The following AMPD3 variants were observed in gnomAD, a reference collection of about 807,000 sequenced individuals.
AMPD3 encodes AMP deaminase 3.
In AMPD3, 57 loss-of-function variants were observed where a neutral mutation model predicts 82.3. That is an observed-to-expected ratio of 0.69 (90% CI 0.56 to 0.86). AMPD3 has a LOEUF of 0.86. Among genes scored for constraint, AMPD3 ranks in the 40% least tolerant of loss-of-function variants. The probability of loss-of-function intolerance (pLI) is 0.00; values close to 1 mark genes in which losing one functional copy is unlikely to be tolerated. For missense variants in AMPD3, 870 were observed against 1,003.8 expected, an observed-to-expected ratio of 0.87 and a Z score of 1.80; for synonymous variants, 381 against 394.7, an observed-to-expected ratio of 0.97 and a Z score of 0.41.
At chr11:10,462,741 AAG>A (rs1232537270) in intron 2 of AMPD3, among the ~76,000 whole-genome samples, 1 of 152,168 alleles carries the variant, frequency 6.6e-6, no homozygotes, top group African/African-American at 2.4e-5. Context: ...AAGGCCGGGA[AAG>A]AGAGAGAAAA....
In AMPD3 at chr11:10,480,486, C is replaced by G. The variant is rs896855320; in HGVS notation, c.427-1577C>G. 4.3e-5 allele frequency among the ~76,000 whole-genome samples: 6 copies of G among 138,494 alleles called. No individual in the cohort carries two copies. In the South Asian group the frequency reaches 6.4e-4, roughly 15 times the overall value. 90.9% of individuals were successfully genotyped at this position (138,494 alleles called of 152,430 possible). On this transcript the variant is annotated intron_variant, in intron 3 of 14. Coordinates refer to ENST00000396553, the MANE Select transcript of AMPD3 (RefSeq NM_001025389.2). ...TTGGAGGCAGGAAAGGAGAATCTACCATCGTAACAAAAAGTCTTGCTTTTT... is the reference window on the plus strand; with the variant it reads ...TTGGAGGCAGGAAAGGAGAATCTACGATCGTAACAAAAAGTCTTGCTTTTT...
rs61540424 is a variant in AMPD3 at position 10,465,819 on chromosome 11, G to GTTT, written c.221+4098_221+4100dup. ...GGCAGACACTGAACTAGCTGCAGGA[G>GTTT]TTTTTTTTTTTTTTTTTTTTTCTGT... On this transcript the variant is annotated intron_variant, in intron 2 of 14. Coordinates refer to ENST00000396553, the MANE Select transcript of AMPD3 (RefSeq NM_001025389.2). 1.1e-4 allele frequency among the ~76,000 whole-genome samples: 15 copies of GTTT among 132,112 alleles called. No homozygotes were observed. The East Asian group carries it at 1.3e-3, about 11-fold the overall frequency. The allele number at this position is 132,112 out of a possible 152,430, so 86.7% of individuals were successfully genotyped here. A position where few individuals can be genotyped will look rare whatever the true frequency, so the allele number is the denominator to read the frequency against.
chr11:10,478,579 C>T lies in AMPD3; in HGVS notation c.275C>T (p.Pro92Leu). ...CAGTCCCTGTCTCTGCAAATGCCGCCACAGCAAGATTGGAAGGGCCCCCCG... is the reference window on the plus strand; with the variant it reads ...CAGTCCCTGTCTCTGCAAATGCCGCTACAGCAAGATTGGAAGGGCCCCCCG... ...RSQSLSLQMPPQQDWKGPPAA... is the reference protein window; with the variant it reads ...RSQSLSLQMPLQQDWKGPPAA... The change falls in exon 3 of 15, where the codon CCA (proline) becomes CTA (leucine). Residue 92 changes from proline (P) to leucine (L), a missense_variant. By Grantham distance (98) the Pro-to-Leu change is moderately conservative. Coordinates refer to ENST00000396553, the MANE Select transcript of AMPD3 (RefSeq NM_001025389.2). The T allele has an allele frequency of 6.2e-7, 1 of 1,614,162 alleles. No individual in the cohort carries two copies. Among genetic ancestry groups the T allele is most frequent in the Non-Finnish European group, 8.5e-7 (1 of 1,180,034 alleles).
intron 7 of AMPD3, 48 bp from the exon 8 acceptor site, chr11:10,494,851 A>G (rs1564853810): frequency 1.3e-6 from 2 of 1,594,610 alleles, no homozygotes; most frequent in East Asian, 2.2e-5. Context: ...GGGAACGTGC[A>G]TGGTGGCTGC....
chr11:10,499,037 C>A (rs957098966), intron 10 of AMPD3, among the ~76,000 whole-genome samples: 6 of 152,094 alleles, frequency 3.9e-5, no homozygotes, highest in Admixed American at 1.3e-4. Flanking sequence ...AGGGCAGCTC[C>A]CAGTGGGGAT....
rs150672366 is a variant in AMPD3 at position 10,461,696 on chromosome 11, G to T, written c.177G>T (p.Leu59=). 6.3e-5 allele frequency: 101 copies of T among 1,614,144 alleles called. 1 individual carries two copies. In the African/African-American group the frequency reaches 1.2e-3, roughly 20 times the overall value. ...IGQKEAKERE[L]QKELAEQKSV... Reference sequence around the variant, plus strand: ...AAAAGGAAGCCAAGGAGAGGGAGCTGCAGAAGGAGCTGGCAGAGCAGAAGT... The same window carrying T: ...AAAAGGAAGCCAAGGAGAGGGAGCTTCAGAAGGAGCTGGCAGAGCAGAAGT... The change falls in exon 2 of 15, where the codon CTG becomes CTT. Residue 59 remains leucine (L), a synonymous_variant. Coordinates refer to ENST00000396553, the MANE Select transcript of AMPD3 (RefSeq NM_001025389.2).
intron 1 of AMPD3, among the ~76,000 whole-genome samples, chr11:10,460,391 A>T (rs908359134): frequency 7.1e-6 from 1 of 140,722 alleles, no homozygotes; most frequent in Admixed American, 7.2e-5. Flanking sequence ...GAGCCACCAC[A>T]CCCGGCCCCA....
In AMPD3 at chr11:10,506,221, G is replaced by C. The variant is rs542358169; in HGVS notation, c.*337G>C. 187 of 345,630 alleles carry C rather than the reference G, an allele frequency of 5.4e-4. No individual in the cohort carries two copies. Among genetic ancestry groups the C allele is most frequent in the African/African-American group, 3.9e-3 (184 of 47,354 alleles). 21.4% of individuals were successfully genotyped at this position (345,630 alleles called of 1,614,324 possible). ...CTGGTCAGATGCCAAGTAACATGTG[G>C]TTTTCTGCCATACTTTTCTCCATTG... On this transcript the variant is annotated 3_prime_UTR_variant, in exon 15 of 15. Transcript: ENST00000396553. The surrounding 1 kb of genome is among the most constrained non-coding windows in gnomAD (Gnocchi z 4.1).
At chr11:10,476,920 A>G in intron 2 of AMPD3, 1 of 935,368 alleles carries the variant, frequency 1.1e-6, no homozygotes, top group Non-Finnish European at 1.2e-6. Flanking sequence ...CCAGTGCATC[A>G]CTTAGCAGGA....
upstream of AMPD3, among the ~76,000 whole-genome samples, chr11:10,451,646 C>CT (rs1564835163): frequency 1.3e-5 from 2 of 152,262 alleles, no homozygotes; most frequent in South Asian, 4.1e-4. Flanking sequence ...GAGAGGCTTG[C>CT]TAACTAGGGT....
intron 6 of AMPD3, among the ~76,000 whole-genome samples, chr11:10,488,887 A>C (rs866988000): frequency 1.3e-5 from 2 of 151,278 alleles, no homozygotes; most frequent in African/African-American, 4.9e-5. Context: ...AGCCTCCCTG[A>C]CCCCCTGGCT....
chr11:10,473,230 C>T (rs1327802986), intron 2 of AMPD3, among the ~76,000 whole-genome samples: 2 of 152,052 alleles, frequency 1.3e-5, no homozygotes, highest in African/African-American at 2.4e-5. Context: ...AGATCGTACC[C>T]CTCCATTCCA....
intron 2 of AMPD3, among the ~76,000 whole-genome samples, chr11:10,464,770 C>T (rs1355494509): frequency 6.6e-6 from 1 of 152,196 alleles, no homozygotes; most frequent in Non-Finnish European, 1.5e-5. Flanking sequence ...ACACCCTCTC[C>T]CCAGCTCCCT....
Position 10,501,933 on chromosome 11 carries a change from C to T in AMPD3, c.1842+343C>T, listed in dbSNP as rs190445055. 137 of 985,134 alleles carry T rather than the reference C, an allele frequency of 1.4e-4. No homozygotes were observed. The African/African-American group carries it at 2.3e-3, about 16-fold the overall frequency. 61.0% of individuals were successfully genotyped at this position (985,134 alleles called of 1,614,324 possible). A position where few individuals can be genotyped will look rare whatever the true frequency, so the allele number is the denominator to read the frequency against. On this transcript the variant is annotated intron_variant, in intron 12 of 14. Coordinates refer to ENST00000396553, the MANE Select transcript of AMPD3 (RefSeq NM_001025389.2). ...CACAGAATTTGGTTCCTGCCTCGTC[C>T]CTTACTGTTGTATGACAAGCATTTT...
intron 8 of AMPD3, 96 bp from the exon 9 acceptor site, chr11:10,495,474 G>C: frequency 6.2e-7 from 1 of 1,601,804 alleles, no homozygotes; most frequent in Non-Finnish European, 8.5e-7. Context: ...GAGCAAGGTG[G>C]CTGGGGGAGC....
chr11:10,503,343 C>G (rs541719798), intron 13 of AMPD3, among the ~76,000 whole-genome samples: 254 of 152,318 alleles, frequency 1.7e-3, no homozygotes, highest in Middle Eastern at 0.01. Flanking sequence ...AATTTCTACA[C>G]TTTGGGTCTC....
chr11:10,490,792 C>T (rs543031698), intron 6 of AMPD3, among the ~76,000 whole-genome samples: 3 of 152,330 alleles, frequency 2.0e-5, no homozygotes, highest in South Asian at 4.1e-4. Flanking sequence ...TTGTACCAAG[C>T]TGTGTCCAGC....
chr11:10,463,704 G>A (rs1848336126), intron 2 of AMPD3, among the ~76,000 whole-genome samples: 1 of 152,170 alleles, frequency 6.6e-6, no homozygotes, highest in Non-Finnish European at 1.5e-5. Context: ...CCAGACTCAG[G>A]GCAAAATGGA....
At chr11:10,468,897 G>A (rs1376902245) in intron 2 of AMPD3, among the ~76,000 whole-genome samples, 1 of 152,196 alleles carries the variant, frequency 6.6e-6, no homozygotes, top group Non-Finnish European at 1.5e-5. Context: ...TGACTACTGG[G>A]TAAATAAGGA....
Sources: allele counts gnomAD v4.1 joint callset (sites outside exome capture counted in the v4.1 genomes callset), GRCh38; gene constraint gnomAD v4.1.1; non-coding constraint Gnocchi (gnomAD v3.1); transcripts MANE v1.5; gene names NCBI Gene and HGNC (gene_info 2026-07-23, HGNC 2026-07-21).